IL4R: variants seen among roughly 807,000 people sequenced by gnomAD.
The protein encoded by IL4R is interleukin 4 receptor, also known as interleukin-4 receptor subunit alpha.
A neutral mutation model predicts 41.5 loss-of-function variants in IL4R; 17 were observed. The ratio of observed to expected loss-of-function variants is 0.41; its 90% confidence interval spans 0.28 to 0.61. IL4R has a LOEUF of 0.61. IL4R is among the 20% of genes least tolerant of loss of function. IL4R has a pLI of 0.31. For missense variants in IL4R, 974 were observed against 1,043.1 expected (o/e 0.93, Z 0.91); for synonymous variants, 402 against 422.9 (o/e 0.95, Z 0.61).
Position 27,364,283 on chromosome 16 carries a change from A to G in IL4R, c.*453A>G, listed in dbSNP as rs941061979. ...GCCGAGCCTAGAAACTAACACAGCC[A>G]TCAAGGGAATGACTTGGGCGGCCTT... On this transcript the variant is annotated 3_prime_UTR_variant, in exon 11 of 11. Coordinates refer to ENST00000395762, the MANE Select transcript of IL4R (RefSeq NM_000418.4). 2.4e-5 allele frequency: 4 copies of G among 163,566 alleles called. No individual in the cohort carries two copies. Among genetic ancestry groups the G allele is most frequent in the African/African-American group, 7.2e-5 (3 of 41,750 alleles). 10.1% of individuals were successfully genotyped at this position (163,566 alleles called of 1,614,324 possible).
chr16:27,342,374 G>T, intron 4 of IL4R, 115 bp downstream of exon 4: 1 of 1,303,412 alleles, frequency 7.7e-7, no homozygotes, highest in Non-Finnish European at 1.1e-6. Context: ...ATGGTTTGCT[G>T]CTGTTTATAT....
Position 27,344,924 on chromosome 16 carries a change from C to T in IL4R, c.265C>T (p.Leu89Phe), listed in dbSNP as rs1386152137. ...NGGAGCVCHL[L>F]MDDVVSADNY... ...AGGCGCGGGGTGCGTGTGCCACCTG[C>T]TCATGGATGACGTGGTCAGTGCGGA... is the stretch of plus-strand genomic sequence containing the variant. The change falls in exon 5 of 11, where the codon CTC becomes TTC. Residue 89 changes from leucine to phenylalanine, a missense_variant. Around this residue, in one of 3 missense-constraint regions of IL4R, gnomAD observed 284 missense variants for 313.4 expected, o/e 0.91. Transcript: ENST00000395762. 6.2e-7 allele frequency: 1 copy of T among 1,614,214 alleles called. No homozygotes were observed. Among genetic ancestry groups the T allele is most frequent in the Non-Finnish European group, 8.5e-7 (1 of 1,180,036 alleles).
intron 2 of IL4R, among the ~76,000 whole-genome samples, chr16:27,332,551 T>G (rs2085141112): frequency 6.6e-6 from 1 of 152,126 alleles, no homozygotes; most frequent in Admixed American, 6.6e-5. Flanking sequence ...TATTAATTAG[T>G]GCCTTCTCTC....
chr16:27,326,704 T>C (rs2084963620), intron 1 of IL4R, among the ~76,000 whole-genome samples: 1 of 151,930 alleles, frequency 6.6e-6, no homozygotes, highest in Admixed American at 6.6e-5. Context: ...CTTGAGCAAG[T>C]GGGTGAGGAT....
chr16:27,360,277 G>A (rs957766615), intron 9 of IL4R, among the ~76,000 whole-genome samples: 9 of 152,226 alleles, frequency 5.9e-5, no homozygotes, highest in African/African-American at 2.2e-4. Flanking sequence ...GCCTCCCAAA[G>A]TGCTGGGATT....
intron 9 of IL4R, 48 bp from the exon 10 acceptor site, chr16:27,360,718 G>A (rs376794576): frequency 1.4e-5 from 23 of 1,613,290 alleles, no homozygotes; most frequent in Admixed American, 3.3e-5. Flanking sequence ...ACTCCAGGCC[G>A]GGCTGCAAGG....
upstream of IL4R, chr16:27,313,878 C>T (rs2084541267): frequency 1.0e-6 from 1 of 979,262 alleles, no homozygotes; most frequent in Non-Finnish European, 1.2e-6. Flanking sequence ...TGCCGGGCGC[C>T]GGGGCGGGGA....
At position 27,363,611 on chromosome 16, in the gene IL4R, G is replaced by A. The variant is rs781610324; in HGVS notation, c.2259G>A (p.Ser753=). 6.8e-6 allele frequency: 11 copies of A among 1,613,572 alleles called. No homozygotes were observed. Among genetic ancestry groups the A allele is most frequent in the South Asian group, 2.2e-5 (2 of 91,056 alleles). ...GCTGCTGCTGTGGAGACAGGTCCTC[G>A]CCCCCTACAACCCCCCTGAGGGCCC... ...CCGCCCGDRS[S]PPTTPLRAPD... is the part of the protein sequence containing the mutation. The change falls in exon 11 of 11, where the codon TCG becomes TCA. Residue 753 remains serine, a synonymous_variant. Coordinates refer to ENST00000395762, the MANE Select transcript of IL4R (RefSeq NM_000418.4).
intron 8 of IL4R, among the ~76,000 whole-genome samples, 175 bp downstream of exon 8, chr16:27,356,082 T>G (rs954140261): frequency 3.8e-5 from 2 of 52,096 alleles, no homozygotes; most frequent in Non-Finnish European, 1.1e-4. Context: ...CCCCACTTTT[T>G]TCTTTTTTTT....
At chr16:27,341,027 A>G (rs892260299) in intron 3 of IL4R, 2 of 601,148 alleles carry the variant, frequency 3.3e-6, no homozygotes, top group Admixed American at 4.5e-5. Flanking sequence ...AAGACCTTGC[A>G]GTGTTTGAGC....
chr16:27,363,481 G>T lies in IL4R; in HGVS notation c.2129G>T (p.Gly710Val). 2.5e-6 allele frequency: 4 copies of T among 1,614,082 alleles called. No homozygotes were observed. The highest frequency in any genetic ancestry group is 2.5e-6 in the Non-Finnish European group (3 of 1,179,974). Residue 710 changes from glycine to valine, a missense_variant, in exon 11 of 11, where the codon GGC (glycine) becomes GTC (valine). This residue lies in a region of IL4R where 682 missense variants were observed against 704.3 expected (regional missense o/e 0.97). Transcript: ENST00000395762. ...CCCCTTGTGGACAGCCTGGGCAGTG[G>T]CATTGTCTACTCAGCCCTTACCTGC... ...TDPLVDSLGS[G>V]IVYSALTCHL...
intron 1 of IL4R, among the ~76,000 whole-genome samples, chr16:27,325,761 C>T (rs1024452769): frequency 3.3e-5 from 5 of 152,034 alleles, no homozygotes; most frequent in Non-Finnish European, 5.9e-5. Context: ...GGCCCCTCCC[C>T]GAGAGAACTC....
chr16:27,339,940 C>G (rs1238448981), intron 2 of IL4R, among the ~76,000 whole-genome samples: 1 of 152,124 alleles, frequency 6.6e-6, no homozygotes, highest in Non-Finnish European at 1.5e-5. Context: ...ACCTGTAATC[C>G]CAGCTACTCG....
intron 6 of IL4R, among the ~76,000 whole-genome samples, chr16:27,350,954 A>G (rs1010982321): frequency 2.6e-5 from 4 of 152,144 alleles, no homozygotes; most frequent in Non-Finnish European, 4.4e-5. Context: ...TTAGTTTTCT[A>G]TTGCTGCATA....
Position 27,363,752 on chromosome 16 carries a change from C to G in IL4R, c.2400C>G (p.Gly800=). The G allele has an allele frequency of 6.2e-7, 1 of 1,613,060 alleles. No homozygotes were observed. The highest frequency in any genetic ancestry group is 2.2e-5 in the East Asian group (1 of 44,878). ...CATCATCCTTCCATCCTGCCCCTGGCAATGCTCAGAGCTCAAGCCAGACCC... is the reference window on the plus strand; with the variant it reads ...CATCATCCTTCCATCCTGCCCCTGGGAATGCTCAGAGCTCAAGCCAGACCC... ...KSSSSFHPAP[G]NAQSSSQTPK... The change falls in exon 11 of 11, where the codon GGC becomes GGG. Residue 800 remains glycine (G), a synonymous_variant. Coordinates refer to ENST00000395762, the MANE Select transcript of IL4R (RefSeq NM_000418.4).
At chr16:27,325,106 G>A (rs1110470) in intron 1 of IL4R, among the ~76,000 whole-genome samples, 70,705 of 151,380 alleles carry the variant, frequency 0.47, 16,775 homozygotes, top group Admixed American at 0.48. Context: ...TTGGCAGACG[G>A]TGTTGTCCCC....
intron 1 of IL4R, among the ~76,000 whole-genome samples, chr16:27,316,048 G>A (rs2084639133): frequency 6.6e-6 from 1 of 152,186 alleles, no homozygotes; most frequent in African/African-American, 2.4e-5. Context: ...AATGCTCCCA[G>A]TTCAAAAAGG....
chr16:27,327,032 TG>T (rs1183057183), intron 1 of IL4R, among the ~76,000 whole-genome samples: 1 of 152,158 alleles, frequency 6.6e-6, no homozygotes, highest in Non-Finnish European at 1.5e-5. Context: ...GAGGAAGCTC[TG>T]GGCTGGTTTC....
At chr16:27,342,898 T>C (rs1345064904) in intron 4 of IL4R, among the ~76,000 whole-genome samples, 1 of 152,234 alleles carries the variant, frequency 6.6e-6, no homozygotes, top group Non-Finnish European at 1.5e-5. Flanking sequence ...AAAATTCCAC[T>C]GTACGCCAGT....
Sources: allele counts gnomAD v4.1 joint callset (sites outside exome capture counted in the v4.1 genomes callset), GRCh38; gene constraint gnomAD v4.1.1; regional missense constraint gnomAD v4.1.1; transcripts MANE v1.5; gene names NCBI Gene and HGNC (gene_info 2026-07-23, HGNC 2026-07-21).